The following RBFOX1 variants were observed in gnomAD, a reference collection of about 807,000 sequenced individuals.
The protein encoded by RBFOX1 is RNA binding fox-1 homolog 1.
A neutral mutation model predicts 57.7 loss-of-function variants in RBFOX1; 8 were observed. The ratio of observed to expected loss-of-function variants is 0.14; its 90% confidence interval spans 0.08 to 0.25. The LOEUF is 0.25. Among genes scored for constraint, RBFOX1 ranks in the 10% least tolerant of loss-of-function variants. RBFOX1 has a pLI of 1.00. For missense variants in RBFOX1, 611 were observed against 548.5 expected, an observed-to-expected ratio of 1.11 and a Z score of -1.14; for synonymous variants, 326 against 222.4, an observed-to-expected ratio of 1.47 and a Z score of -4.15.
chr16:5,943,953 A>C (rs1315548036), intron 4 of RBFOX1, among the ~76,000 whole-genome samples: 9 of 149,070 alleles, frequency 6.0e-5, no homozygotes, highest in Non-Finnish European at 1.3e-4. Flanking sequence ...CCATCCATCC[A>C]TCCATCCATC....
At chr16:7,316,691 G>C (rs192111057) in intron 4 of RBFOX1, among the ~76,000 whole-genome samples, 11 of 152,082 alleles carry the variant, frequency 7.2e-5, no homozygotes, top group African/African-American at 2.4e-4. Context: ...CAGGGGTGAG[G>C]GAAGCTTTTT....
At chr16:6,823,281 G>T (rs2091626732) in intron 3 of RBFOX1, among the ~76,000 whole-genome samples, 1 of 150,650 alleles carries the variant, frequency 6.6e-6, no homozygotes, top group Admixed American at 6.6e-5. Flanking sequence ...TCCCCAGAAA[G>T]AGTCTTGCTC....
chr16:5,687,385 G>A (rs191578241), intron 3 of RBFOX1, among the ~76,000 whole-genome samples: 98 of 152,242 alleles, frequency 6.4e-4, no homozygotes, highest in African/African-American at 2.1e-3. Context: ...AGCCAACTTT[G>A]GGCCCGTCCT....
At chr16:5,767,002 A>G (rs2053804757) in intron 3 of RBFOX1, among the ~76,000 whole-genome samples, 1 of 152,134 alleles carries the variant, frequency 6.6e-6, no homozygotes, top group Admixed American at 6.5e-5. Flanking sequence ...TGTATCTGTT[A>G]GTTTGCTTCT....
At chr16:7,374,855 A>T (rs2097654659) in intron 4 of RBFOX1, among the ~76,000 whole-genome samples, 1 of 152,200 alleles carries the variant, frequency 6.6e-6, no homozygotes, top group African/African-American at 2.4e-5. Context: ...ATAGGTGGTG[A>T]TAGCATGCTT....
chr16:5,449,448 C>T (rs1244136832), intron 1 of RBFOX1, among the ~76,000 whole-genome samples: 2 of 152,166 alleles, frequency 1.3e-5, no homozygotes, highest in African/African-American at 4.8e-5. Context: ...CTTTGATTGC[C>T]ATTGCCTCAT....
At chr16:6,807,918 A>T (rs2154263625) in intron 3 of RBFOX1, among the ~76,000 whole-genome samples, 1 of 151,036 alleles carries the variant, frequency 6.6e-6, no homozygotes, top group South Asian at 2.1e-4. Context: ...GTGTGTGTAT[A>T]TATATATAGG....
chr16:5,634,978 G>A (rs373745458), intron 3 of RBFOX1, among the ~76,000 whole-genome samples: 37 of 152,274 alleles, frequency 2.4e-4, no homozygotes, highest in African/African-American at 6.3e-4. Context: ...CAGGGGAGGA[G>A]AGTCACCATG....
At chr16:7,623,920 A>C (rs534549550) in intron 10 of RBFOX1, among the ~76,000 whole-genome samples, 73 of 152,308 alleles carry the variant, frequency 4.8e-4, no homozygotes, top group African/African-American at 1.6e-3. Flanking sequence ...TTACAGCTTT[A>C]AAGATCTCTC....
At chr16:6,715,983 G>C (rs1302434252) in intron 3 of RBFOX1, among the ~76,000 whole-genome samples, 1 of 148,606 alleles carries the variant, frequency 6.7e-6, no homozygotes, top group Non-Finnish European at 1.5e-5. Flanking sequence ...GGTGTGCAGT[G>C]CCCAACTCTG....
chr16:5,668,526 T>C (rs1018611124), intron 3 of RBFOX1, among the ~76,000 whole-genome samples: 3 of 152,326 alleles, frequency 2.0e-5, no homozygotes, highest in Middle Eastern at 3.4e-3. Context: ...ATCTGTTATT[T>C]GGGAGCATTA....
At chr16:6,085,571 C>A (rs1011037509) in intron 1 of RBFOX1, among the ~76,000 whole-genome samples, 2 of 152,136 alleles carry the variant, frequency 1.3e-5, no homozygotes, top group Non-Finnish European at 2.9e-5. Context: ...GCCCGACCCT[C>A]ACACCCAGGT....
intron 4 of RBFOX1, among the ~76,000 whole-genome samples, chr16:7,082,823 G>T (rs2059409764): frequency 6.6e-6 from 1 of 152,112 alleles, no homozygotes; most frequent in African/African-American, 2.4e-5. Context: ...TTGGTTTCAG[G>T]CTATTGCTTT....
chr16:7,415,286 C>G (rs897036140), intron 4 of RBFOX1, among the ~76,000 whole-genome samples: 3 of 152,216 alleles, frequency 2.0e-5, no homozygotes, highest in African/African-American at 7.2e-5. Flanking sequence ...ACAGGTACCA[C>G]TGGCTAGCAT....
chr16:6,769,606 T>C (rs1225341139), intron 3 of RBFOX1, among the ~76,000 whole-genome samples: 1 of 152,168 alleles, frequency 6.6e-6, no homozygotes, highest in Admixed American at 6.5e-5. Context: ...AAGCAAGACT[T>C]CTCTATGGCA....
At chr16:6,048,590 C>G (rs1377608464) in intron 1 of RBFOX1, among the ~76,000 whole-genome samples, 2 of 152,146 alleles carry the variant, frequency 1.3e-5, no homozygotes, top group African/African-American at 2.4e-5. Flanking sequence ...CTTGCTTGGG[C>G]TCAATAAATT....
At chr16:6,938,092 C>T in intron 3 of RBFOX1, among the ~76,000 whole-genome samples, 1 of 152,026 alleles carries the variant, frequency 6.6e-6, no homozygotes, top group Non-Finnish European at 1.5e-5. Flanking sequence ...TTAGAAGAAA[C>T]TGCAATCACA....
At chr16:5,585,310 A>G (rs952627936) in intron 2 of RBFOX1, among the ~76,000 whole-genome samples, 3 of 152,184 alleles carry the variant, frequency 2.0e-5, no homozygotes, top group Admixed American at 6.5e-5. Context: ...AATGTTTTCA[A>G]TGTTCATCCC....
At chr16:7,068,927 A>C (rs2056750857) in intron 4 of RBFOX1, among the ~76,000 whole-genome samples, 1 of 152,168 alleles carries the variant, frequency 6.6e-6, no homozygotes, top group South Asian at 2.1e-4. Context: ...GTTGATTTCT[A>C]CTCACGAAGT....
Sources: gnomAD v4.1 joint callset for allele counts (sites outside exome capture counted in the v4.1 genomes callset) on GRCh38, gnomAD v4.1.1 for gene constraint, MANE v1.5 for transcripts, NCBI Gene and HGNC (gene_info 2026-07-23, HGNC 2026-07-21) for gene names.